CHLSN: variants seen among roughly 807,000 people sequenced by gnomAD.
The protein encoded by CHLSN is cholesin.
the CHLSN span, among the ~76,000 whole-genome samples, chr7:1,130,360 G>A: frequency 2.0e-5 from 3 of 152,184 alleles, no homozygotes; most frequent in African/African-American, 7.2e-5. Context: ...GGTGGCTGTG[G>A]CCAGGACCTA....
At chr7:1,099,091 CGGCCTCCCCTTCCG>C in the CHLSN span, among the ~76,000 whole-genome samples, 12 of 141,440 alleles carry the variant, frequency 8.5e-5, no homozygotes, top group African/African-American at 3.0e-4. Flanking sequence ...GTTCTTGCAG[CGGCCTCCCCTTCCG>C]GAGCCTCGCT....
chr7:1,106,735 C>T, the CHLSN span, among the ~76,000 whole-genome samples: 3,699 of 152,310 alleles, frequency 0.024, 53 homozygotes, highest in Non-Finnish European at 0.029. Flanking sequence ...GAGAAGATGC[C>T]GGTGCTGCCG....
At chr7:1,012,989 C>T in the CHLSN span, among the ~76,000 whole-genome samples, 13 of 152,228 alleles carry the variant, frequency 8.5e-5, no homozygotes, top group Admixed American at 3.9e-4. Flanking sequence ...CTGGAGGGGG[C>T]GGGAGGCAGC....
At chr7:989,136 GC>G in the CHLSN span, 3 of 386,210 alleles carry the variant, frequency 7.8e-6, no homozygotes, top group Non-Finnish European at 1.4e-5. Flanking sequence ...TCCCCCCAGG[GC>G]CCCCCAGCAC....
chr7:1,000,494 C>T, the CHLSN span: 1 of 1,607,736 alleles, frequency 6.2e-7, no homozygotes, highest in Non-Finnish European at 8.5e-7. Flanking sequence ...ACATGTGCAG[C>T]AGGAGCCACG....
At chr7:1,094,361 G>A in the CHLSN span, among the ~76,000 whole-genome samples, 2 of 152,228 alleles carry the variant, frequency 1.3e-5, no homozygotes, top group African/African-American at 4.8e-5. Context: ...GTGGGTGAAG[G>A]GAACTAGCCA....
chr7:984,613 G>T, the CHLSN span: 2 of 1,535,882 alleles, frequency 1.3e-6, no homozygotes, highest in Non-Finnish European at 8.7e-7. Flanking sequence ...TACTGGGTGT[G>T]GGGGCACCTG....
At chr7:1,092,984 TCGCGAGGGTCA>T in the CHLSN span, 4 of 882,264 alleles carry the variant, frequency 4.5e-6, no homozygotes, top group Non-Finnish European at 7.5e-6. Context: ...CCTCGGGGCC[TCGCGAGGGTCA>T]CGCTTGCCTG....
At chr7:995,527 T>G in the CHLSN span, among the ~76,000 whole-genome samples, 9 of 152,262 alleles carry the variant, frequency 5.9e-5, no homozygotes, top group African/African-American at 9.6e-5. Context: ...CCCTGCCTTC[T>G]GGAGGCTGCT....
At chr7:1,132,554 C>A in the CHLSN span, among the ~76,000 whole-genome samples, 14,348 of 152,004 alleles carry the variant, frequency 0.094, 762 homozygotes, top group Non-Finnish European at 0.11. Context: ...ATTAGCTGGG[C>A]ATGGTGATGC....
the CHLSN span, among the ~76,000 whole-genome samples, chr7:1,017,160 C>T: frequency 1.3e-5 from 2 of 152,258 alleles, no homozygotes; most frequent in Non-Finnish European, 1.5e-5. Flanking sequence ...CATTGGGCCT[C>T]TGCCTCTGGC....
At chr7:1,036,061 A>G in the CHLSN span, among the ~76,000 whole-genome samples, 3 of 152,204 alleles carry the variant, frequency 2.0e-5, no homozygotes, top group Non-Finnish European at 2.9e-5. Context: ...TGGAACAGGT[A>G]GCACCATGGA....
chr7:1,126,850 C>T, the CHLSN span, among the ~76,000 whole-genome samples: 2 of 152,138 alleles, frequency 1.3e-5, no homozygotes, highest in African/African-American at 2.4e-5. Flanking sequence ...TTATTCGACA[C>T]GAACATTTCT....
the CHLSN span, among the ~76,000 whole-genome samples, chr7:1,020,438 C>T: frequency 6.6e-6 from 1 of 152,180 alleles, no homozygotes; most frequent in South Asian, 2.1e-4. Context: ...TTCTCGCCAG[C>T]CGCTGCCCCA....
the CHLSN span, among the ~76,000 whole-genome samples, chr7:1,008,158 C>T: frequency 2.0e-5 from 3 of 152,332 alleles, no homozygotes; most frequent in Admixed American, 2.0e-4. Flanking sequence ...AGGCCCCAGT[C>T]GCCCTCTGCC....
At chr7:1,069,351 C>T in the CHLSN span, among the ~76,000 whole-genome samples, 2 of 113,780 alleles carry the variant, frequency 1.8e-5, no homozygotes, top group South Asian at 5.6e-4. Flanking sequence ...AAATAGCTCT[C>T]CCTCTCCCCT....
chr7:1,012,555 G>A, the CHLSN span, among the ~76,000 whole-genome samples: 2 of 152,240 alleles, frequency 1.3e-5, no homozygotes, highest in African/African-American at 4.8e-5. Context: ...CAGCGCTCCC[G>A]ACCTGGCAGG....
At chr7:985,376 G>T in the CHLSN span, 1 of 1,526,602 alleles carries the variant, frequency 6.6e-7, no homozygotes, top group South Asian at 1.2e-5. Flanking sequence ...AGTGATGGGC[G>T]TGCAGCAGGA....
chr7:1,089,805 C>T, the CHLSN span, among the ~76,000 whole-genome samples: 2 of 151,294 alleles, frequency 1.3e-5, no homozygotes, highest in African/African-American at 2.4e-5. Flanking sequence ...ACCCCTGGCC[C>T]GGCGCGGTGG....
Sources: allele counts gnomAD v4.1 joint callset (sites outside exome capture counted in the v4.1 genomes callset), GRCh38; gene constraint gnomAD v4.1.1; transcripts MANE v1.5; gene names NCBI Gene and HGNC (gene_info 2026-07-23, HGNC 2026-07-21).